CNTNAP2: variants seen among roughly 807,000 people sequenced by gnomAD.
CNTNAP2 encodes the protein contactin-associated protein-like 2.
Under a neutral mutation model 155.2 loss-of-function variants are expected in CNTNAP2, and 98 were observed. The ratio of observed to expected loss-of-function variants is 0.63; its 90% confidence interval spans 0.54 to 0.75. The LOEUF is 0.75. Among genes scored for constraint, CNTNAP2 ranks in the 30% least tolerant of loss-of-function variants. The probability of loss-of-function intolerance (pLI) is 0.00; values close to 1 mark genes in which losing one functional copy is unlikely to be tolerated. For missense variants in CNTNAP2, 1,727 were observed against 1,688.1 expected (o/e 1.02, Z -0.40); for synonymous variants, 651 against 631.2 (o/e 1.03, Z -0.47).
At chr7:148,301,800 G>C (rs1797396444) in intron 21 of CNTNAP2, among the ~76,000 whole-genome samples, 2 of 152,308 alleles carry the variant, frequency 1.3e-5, no homozygotes, top group African/African-American at 4.8e-5. Context: ...AGATGAGCCT[G>C]TTGGTGGTAG....
chr7:148,154,861 C>T (rs1805369136), intron 17 of CNTNAP2, among the ~76,000 whole-genome samples: 4 of 151,838 alleles, frequency 2.6e-5, no homozygotes, highest in Admixed American at 6.6e-5. Flanking sequence ...AGCTTGAACC[C>T]AGTGGGCAGA....
At chr7:146,796,333 G>A (rs767210203) in intron 2 of CNTNAP2, among the ~76,000 whole-genome samples, 63 of 152,270 alleles carry the variant, frequency 4.1e-4, no homozygotes, top group African/African-American at 1.3e-3. Flanking sequence ...GAGAACGACC[G>A]TCACATCCAT....
chr7:146,691,500 C>T (rs1563190512), intron 1 of CNTNAP2, among the ~76,000 whole-genome samples: 1 of 152,164 alleles, frequency 6.6e-6, no homozygotes, highest in East Asian at 1.9e-4. Context: ...ATTCATTGAA[C>T]ACTGTACTAA....
chr7:147,241,978 A>C (rs1803947362), intron 8 of CNTNAP2, among the ~76,000 whole-genome samples: 1 of 152,246 alleles, frequency 6.6e-6, no homozygotes. Context: ...GATGTATAAA[A>C]AAATCTGAGT....
chr7:146,892,918 A>G (rs1474164923), intron 3 of CNTNAP2, among the ~76,000 whole-genome samples: 7 of 152,184 alleles, frequency 4.6e-5, no homozygotes, highest in African/African-American at 1.7e-4. Context: ...GAGGACTCCA[A>G]CTTGATATTT....
Position 148,267,860 on chromosome 7 carries a change from A to C in CNTNAP2, c.3475+734A>C, listed in dbSNP as rs73462234. Among the ~76,000 whole-genome samples the C allele has an allele frequency of 2.4e-3, 365 of 152,292 alleles. 1 individual carries two copies. Among genetic ancestry groups the C allele is most frequent in the African/African-American group, 8.6e-3 (356 of 41,560 alleles). On this transcript the variant is annotated intron_variant, in intron 21 of 23. Coordinates refer to ENST00000361727, the MANE Select transcript of CNTNAP2 (RefSeq NM_014141.6). ...CTACCTACTAGCAATATGTAATTTA[A>C]CGTTTCCTTTGTCAAAGCATATCAA...
At chr7:148,092,486 C>A (rs561405943) in intron 15 of CNTNAP2, among the ~76,000 whole-genome samples, 2 of 152,266 alleles carry the variant, frequency 1.3e-5, no homozygotes, top group African/African-American at 4.8e-5. Flanking sequence ...GACCATGGAT[C>A]AAATGCACTT....
At chr7:147,287,553 C>T (rs1805208048) in intron 8 of CNTNAP2, among the ~76,000 whole-genome samples, 1 of 152,034 alleles carries the variant, frequency 6.6e-6, no homozygotes, top group Non-Finnish European at 1.5e-5. Context: ...AAGGTTCAGC[C>T]TAAACTCTCT....
chr7:146,280,822 A>C (rs543792223), intron 1 of CNTNAP2, among the ~76,000 whole-genome samples: 1 of 152,164 alleles, frequency 6.6e-6, no homozygotes. Flanking sequence ...TCTTTGCTAC[A>C]GTGCTTGCTG....
intron 15 of CNTNAP2, among the ~76,000 whole-genome samples, chr7:148,002,122 T>G (rs568833626): frequency 1.3e-5 from 2 of 152,302 alleles, no homozygotes; most frequent in African/African-American, 4.8e-5. Context: ...GTTGCATGTA[T>G]AGTTAATTAT....
chr7:148,038,231 C>T (rs982994796), intron 15 of CNTNAP2, among the ~76,000 whole-genome samples: 2 of 152,142 alleles, frequency 1.3e-5, no homozygotes, highest in East Asian at 1.9e-4. Flanking sequence ...TCAACCTGTC[C>T]ATCAACCCCA....
intron 1 of CNTNAP2, among the ~76,000 whole-genome samples, chr7:146,148,287 T>C (rs1485714573): frequency 6.6e-6 from 1 of 150,760 alleles, no homozygotes; most frequent in African/African-American, 2.4e-5. Context: ...GTCTTTGAAA[T>C]ATATAGAGTA....
intron 15 of CNTNAP2, among the ~76,000 whole-genome samples, chr7:147,998,526 G>T (rs538792721): frequency 6.6e-6 from 1 of 152,342 alleles, no homozygotes; most frequent in Admixed American, 6.5e-5. Context: ...GGATAAGTTA[G>T]AGAGGTGAGA....
chr7:146,733,268 A>T (rs1285262609), intron 1 of CNTNAP2, among the ~76,000 whole-genome samples: 1 of 152,138 alleles, frequency 6.6e-6, no homozygotes, highest in Non-Finnish European at 1.5e-5. Context: ...AAACTTGACC[A>T]ATGTCAAATT....
chr7:146,625,698 T>C (rs1219864607), intron 1 of CNTNAP2, among the ~76,000 whole-genome samples: 1 of 152,082 alleles, frequency 6.6e-6, no homozygotes, highest in Non-Finnish European at 1.5e-5. Context: ...ATTATTTGGT[T>C]GTTAACATGC....
chr7:146,495,144 C>T (rs1008698454), intron 1 of CNTNAP2, among the ~76,000 whole-genome samples: 1 of 152,128 alleles, frequency 6.6e-6, no homozygotes, highest in African/African-American at 2.4e-5. Flanking sequence ...CCTGTGATGC[C>T]GGCTAGGCAG....
chr7:147,496,310 G>T (rs1798707078), intron 11 of CNTNAP2, among the ~76,000 whole-genome samples: 2 of 152,154 alleles, frequency 1.3e-5, no homozygotes, highest in Admixed American at 1.3e-4. Context: ...TTAGAAGAAA[G>T]AAAGGTCACT....
At chr7:148,301,872 AATGGAAGAGAGTGG>A (rs1258138150) in intron 21 of CNTNAP2, among the ~76,000 whole-genome samples, 1 of 152,204 alleles carries the variant, frequency 6.6e-6, no homozygotes, top group Non-Finnish European at 1.5e-5. Flanking sequence ...AGGGACTCTG[AATGGAAGAGAGTGG>A]ATGGACGAGA....
chr7:146,753,341 C>G (rs1801938395), intron 1 of CNTNAP2, among the ~76,000 whole-genome samples: 1 of 151,426 alleles, frequency 6.6e-6, no homozygotes, highest in Admixed American at 6.6e-5. Flanking sequence ...TATTATTGAT[C>G]TTTTATGTTT....
Sources: gnomAD v4.1 joint callset for allele counts (sites outside exome capture counted in the v4.1 genomes callset) on GRCh38, gnomAD v4.1.1 for gene constraint, MANE v1.5 for transcripts, NCBI Gene and HGNC (gene_info 2026-07-23, HGNC 2026-07-21) for gene names.